MTRF1L: variants seen among roughly 807,000 people sequenced by gnomAD.
MTRF1L encodes mitochondrial translation release factor 1 like.
A neutral mutation model predicts 40.0 loss-of-function variants in MTRF1L; 29 were observed. The observed-to-expected ratio is 0.73, with a 90% CI of 0.54 to 0.99. MTRF1L has a LOEUF of 0.99. Among genes scored for constraint, MTRF1L ranks in the 50% least tolerant of loss-of-function variants. The probability of loss-of-function intolerance (pLI) is 0.00; values close to 1 mark genes in which losing one functional copy is unlikely to be tolerated. For synonymous variants in MTRF1L, 150 were observed against 175.8 expected, an observed-to-expected ratio of 0.85 and a Z score of 1.16; for missense variants, 412 against 464.5, an observed-to-expected ratio of 0.89 and a Z score of 1.04.
intron 1 of MTRF1L, among the ~76,000 whole-genome samples, chr6:153,001,847 A>G (rs1419484982): frequency 6.6e-6 from 1 of 152,230 alleles, no homozygotes; most frequent in African/African-American, 2.4e-5. Context: ...TTTCTTTACA[A>G]AGACGTGAAT....
At chr6:153,000,055 A>T (rs1778857782) in intron 1 of MTRF1L, among the ~76,000 whole-genome samples, 1 of 152,254 alleles carries the variant, frequency 6.6e-6, no homozygotes, top group South Asian at 2.1e-4. Context: ...GAAATTTGGT[A>T]GAATGGAAAA....
intron 5 of MTRF1L, 133 bp from the exon 6 acceptor site, chr6:152,991,454 A>C (rs1778513854): frequency 2.8e-6 from 3 of 1,066,846 alleles, no homozygotes; most frequent in Non-Finnish European, 3.9e-6. Context: ...CTAATAAAAA[A>C]GGGAGAGACT....
At chr6:152,991,365 T>A in intron 5 of MTRF1L, 44 bp from the exon 6 acceptor site, 1 of 1,515,364 alleles carries the variant, frequency 6.6e-7, no homozygotes, top group Non-Finnish European at 8.9e-7. Flanking sequence ...TAAAAAAATC[T>A]TCTTTACTTA....
At chr6:152,992,733 T>C (rs1778569399) in intron 5 of MTRF1L, 124 bp downstream of exon 5, 4 of 708,392 alleles carry the variant, frequency 5.6e-6, no homozygotes, top group Non-Finnish European at 9.4e-6. Context: ...AATCAAATAT[T>C]TAATAACAAT....
intron 1 of MTRF1L, among the ~76,000 whole-genome samples, chr6:153,000,622 C>T (rs1416515667): frequency 6.6e-6 from 1 of 152,098 alleles, no homozygotes; most frequent in East Asian, 1.9e-4. Context: ...CTTTTCTTTT[C>T]AACCCTTTAA....
At chr6:153,001,282 T>C (rs1199901543) in intron 1 of MTRF1L, among the ~76,000 whole-genome samples, 4 of 152,206 alleles carry the variant, frequency 2.6e-5, no homozygotes, top group East Asian at 3.8e-4. Flanking sequence ...TTTATAGCCT[T>C]CTTCTCTGCC....
chr6:153,000,741 C>G (rs1273560429), intron 1 of MTRF1L, among the ~76,000 whole-genome samples: 1 of 152,114 alleles, frequency 6.6e-6, no homozygotes, highest in African/African-American at 2.4e-5. Context: ...AGCTGTTACA[C>G]TGGATTCTAT....
intron 4 of MTRF1L, 51 bp from the exon 5 acceptor site, chr6:152,993,025 T>G (rs993744083): frequency 1.4e-6 from 2 of 1,423,698 alleles, no homozygotes; most frequent in Non-Finnish European, 9.9e-7. Context: ...ATCAACTTTA[T>G]AAAGGCAAGA....
chr6:153,000,867 A>ATTTTTTTTTTTTTT (rs10536494), intron 1 of MTRF1L, among the ~76,000 whole-genome samples: 1 of 100,482 alleles, frequency 1.0e-5, no homozygotes, highest in Non-Finnish European at 1.9e-5. Flanking sequence ...GGTACTACGG[A>ATTTTTTTTTTTTTT]TTTTTTTTTT....
In MTRF1L at chr6:152,998,645, C is replaced by A; in HGVS notation, c.260-16G>T. Reference sequence around the variant, plus strand: ...TCATTCTCATCTAGGAAAAAAAGGGCAGAAGTTAAGGTTTTCCTTAATTAG... The same window carrying A: ...TCATTCTCATCTAGGAAAAAAAGGGAAGAAGTTAAGGTTTTCCTTAATTAG... On this transcript the variant is annotated splice_polypyrimidine_tract_variant and intron_variant, in intron 1 of 6. Coordinates refer to ENST00000367233, the MANE Select transcript of MTRF1L (RefSeq NM_019041.7). 6.4e-7 allele frequency: 1 copy of A among 1,567,226 alleles called. No homozygotes were observed. Among genetic ancestry groups the A allele is most frequent in the Admixed American group, 1.9e-5 (1 of 52,332 alleles).
intron 5 of MTRF1L, among the ~76,000 whole-genome samples, chr6:152,991,740 G>A (rs1002876892): frequency 1.8e-4 from 27 of 151,992 alleles, no homozygotes; most frequent in African/African-American, 5.6e-4. Flanking sequence ...TAGTAGAGAC[G>A]GGGTTTCACC....
chr6:153,000,249 T>A (rs1193145211), intron 1 of MTRF1L, among the ~76,000 whole-genome samples: 1 of 152,056 alleles, frequency 6.6e-6, no homozygotes, highest in Non-Finnish European at 1.5e-5. Flanking sequence ...TAGAAGTAAT[T>A]TAATTTTAAT....
chr6:152,998,074 T>A (rs1562303311), intron 2 of MTRF1L, among the ~76,000 whole-genome samples: 2 of 151,458 alleles, frequency 1.3e-5, no homozygotes, highest in East Asian at 1.9e-4. Flanking sequence ...TATATTTTTT[T>A]ATCTTTTAAT....
At chr6:153,001,164 C>T (rs1374241741) in intron 1 of MTRF1L, among the ~76,000 whole-genome samples, 1 of 152,194 alleles carries the variant, frequency 6.6e-6, no homozygotes, top group African/African-American at 2.4e-5. Flanking sequence ...TGAGCCACCA[C>T]GCCTGGCCAA....
Position 152,990,092 on chromosome 6 carries a change from C to T in MTRF1L, c.946G>A (p.Gly316Arg), listed in dbSNP as rs1186284321. 6.2e-7 allele frequency: 1 copy of T among 1,613,704 alleles called. No individual in the cohort carries two copies. Among genetic ancestry groups the T allele is most frequent in the Non-Finnish European group, 8.5e-7 (1 of 1,179,906 alleles). Residue 316 changes from glycine (G) to arginine (R), a missense_variant, in exon 7 of 7, where the codon GGA becomes AGA. Coordinates refer to ENST00000367233, the MANE Select transcript of MTRF1L (RefSeq NM_019041.7). ...KRQNARKIQI[G>R]SKGRSEKIRT... ...ATTTTCTCTGATCTTCCTTTACTTC[C>T]AATCTGTATATAGAGAAAAAGATGA...
Position 152,994,530 on chromosome 6 carries a change from A to G in MTRF1L, c.670T>C (p.Leu224=). ...VHTSTMTVAI[L]PQPTEINLVI... ...TGCCTTACCTCAGTAGGCTGGGGTA[A>G]TATTGCTACAGTCATGGTGCTAGTA... The change falls in exon 4 of 7, where the codon TTA becomes CTA. Residue 224 remains leucine (L), a synonymous_variant. Coordinates refer to ENST00000367233, the MANE Select transcript of MTRF1L (RefSeq NM_019041.7). The G allele has an allele frequency of 1.2e-6, 2 of 1,611,066 alleles. No individual in the cohort carries two copies. The highest frequency in any genetic ancestry group is 1.7e-6 in the Non-Finnish European group (2 of 1,179,316).
At chr6:152,992,782 T>C (rs1344899898) in intron 5 of MTRF1L, 75 bp downstream of exon 5, 10 of 1,096,130 alleles carry the variant, frequency 9.1e-6, no homozygotes, top group South Asian at 2.7e-5. Flanking sequence ...CGAGGATCTA[T>C]TTCAGTGGAA....
In MTRF1L at chr6:152,994,652, C is replaced by CT; in HGVS notation, c.547dup (p.Ser183LysfsTer9). Reference sequence around the variant, plus strand: ...CCTATAGGCTTCTGAACCCCCAATGCTGGCAGATGCATGTCTAAGGCCACC... The same window carrying CT: ...CCTATAGGCTTCTGAACCCCCAATGCTTGGCAGATGCATGTCTAAGGCCACC... On this transcript the variant is annotated frameshift_variant, in exon 4 of 7. Transcript: ENST00000367233. LOFTEE classifies it high-confidence loss of function. The CT allele has an allele frequency of 6.2e-7, 1 of 1,614,098 alleles. No individual in the cohort carries two copies. The highest frequency in any genetic ancestry group is 8.5e-7 in the Non-Finnish European group (1 of 1,180,014).
At chr6:152,998,870 C>G (rs1778810762) in intron 1 of MTRF1L, 1 of 255,154 alleles carries the variant, frequency 3.9e-6, no homozygotes, top group African/African-American at 2.2e-5. Flanking sequence ...TGATAAAGTA[C>G]AAGTACAAAT....
Sources: gnomAD v4.1 joint callset for allele counts (sites outside exome capture counted in the v4.1 genomes callset) on GRCh38, gnomAD v4.1.1 for gene constraint, MANE v1.5 for transcripts, NCBI Gene and HGNC (gene_info 2026-07-23, HGNC 2026-07-21) for gene names.